The following LPP variants were observed in gnomAD, a reference collection of about 807,000 sequenced individuals.
LPP encodes the protein lipoma-preferred partner.
In LPP, 38 loss-of-function variants were observed where a neutral mutation model predicts 60.4. That is an observed-to-expected ratio of 0.63 (90% CI 0.49 to 0.83). The LOEUF (loss-of-function observed/expected upper bound fraction) is 0.83, where lower values mean the gene tolerates loss of function less well. LPP is among the 40% of genes least tolerant of loss of function. LPP has a pLI of 0.00. For synonymous variants in LPP, 328 were observed against 290.8 expected, an observed-to-expected ratio of 1.13 and a Z score of -1.30; for missense variants, 902 against 783.6, an observed-to-expected ratio of 1.15 and a Z score of -1.80.
At chr3:188,544,295 G>A (rs958003727) in intron 6 of LPP, among the ~76,000 whole-genome samples, 1 of 152,156 alleles carries the variant, frequency 6.6e-6, no homozygotes, top group African/African-American at 2.4e-5. Context: ...ATTTGCCTCT[G>A]AGTGGCTGTG....
chr3:188,228,943 T>C (rs910712950), intron 2 of LPP, among the ~76,000 whole-genome samples: 1 of 152,176 alleles, frequency 6.6e-6, no homozygotes, highest in Non-Finnish European at 1.5e-5. Context: ...TAAAGACTCA[T>C]CTTGAATATA....
intron 9 of LPP, among the ~76,000 whole-genome samples, chr3:188,853,944 A>T (rs1488233760): frequency 6.6e-6 from 1 of 152,152 alleles, no homozygotes; most frequent in Non-Finnish European, 1.5e-5. Context: ...GGCTAAATGC[A>T]GAGTGAGAAA....
At chr3:188,197,161 G>A (rs1013752243) in intron 1 of LPP, among the ~76,000 whole-genome samples, 2 of 152,202 alleles carry the variant, frequency 1.3e-5, no homozygotes, top group Admixed American at 6.5e-5. Context: ...AGGGATGGGA[G>A]CATGGAGGGT....
chr3:188,744,735 A>T (rs1463233410), intron 8 of LPP, among the ~76,000 whole-genome samples: 1 of 152,106 alleles, frequency 6.6e-6, no homozygotes, highest in Non-Finnish European at 1.5e-5. Flanking sequence ...TTTCCTCTAC[A>T]TTATAGCTAG....
At chr3:188,636,459 G>C (rs908146893) in intron 7 of LPP, among the ~76,000 whole-genome samples, 1 of 152,214 alleles carries the variant, frequency 6.6e-6, no homozygotes, top group African/African-American at 2.4e-5. Context: ...CAAACTGCAA[G>C]GCTGCAGCAA....
At chr3:188,581,722 A>G (rs569675080) in intron 6 of LPP, among the ~76,000 whole-genome samples, 2 of 152,134 alleles carry the variant, frequency 1.3e-5, no homozygotes, top group South Asian at 2.1e-4. Flanking sequence ...GCTTCGCTCT[A>G]TTTTACCTCC....
In LPP at chr3:188,265,870, GGTGT is replaced by G. The variant is rs55722565; in HGVS notation, c.-67+40374_-67+40377del. ...AAAAGGGCTGTGATAGGATTACTCTGGTGTGTGTGTGTGTGTGTGTGTGTGTGTG... is the reference window on the plus strand; with the variant it reads ...AAAAGGGCTGTGATAGGATTACTCTGGTGTGTGTGTGTGTGTGTGTGTGTG... On this transcript the variant is annotated intron_variant, in intron 2 of 11. Coordinates refer to ENST00000617246, the MANE Select transcript of LPP (RefSeq NM_001375462.1). Among the ~76,000 whole-genome samples the G allele has an allele frequency of 1.0e-2, 1,429 of 143,408 alleles. 15 individuals carry two copies. The highest frequency in any genetic ancestry group is 0.034 in the African/African-American group (1,288 of 38,408). The allele number at this position is 143,408 out of a possible 152,430, so 94.1% of individuals were successfully genotyped here.
At chr3:188,506,363 T>C (rs924839090) in intron 5 of LPP, among the ~76,000 whole-genome samples, 5 of 152,212 alleles carry the variant, frequency 3.3e-5, no homozygotes, top group African/African-American at 1.2e-4. Flanking sequence ...AAGGCTACTA[T>C]GAGTCAGTTA....
intron 1 of LPP, among the ~76,000 whole-genome samples, chr3:188,202,692 T>C (rs926023543): frequency 1.3e-5 from 2 of 152,196 alleles, no homozygotes; most frequent in Admixed American, 1.3e-4. Context: ...CTTTCTGATA[T>C]TCAGGTTGGT....
chr3:188,341,690 A>G lies in LPP; in HGVS notation c.-39A>G, dbSNP rs1269641862. 1.5e-5 allele frequency: 15 copies of G among 985,278 alleles called. No homozygotes were observed. The highest frequency in any genetic ancestry group is 3.5e-5 in the African/African-American group (2 of 57,364). 61.0% of individuals were successfully genotyped at this position (985,278 alleles called of 1,614,324 possible). ...TTGCAGTTGGCTGAACCTTGTGTCAACCATCCATTCCAGGAGCCAGCTATC... is the reference window on the plus strand; with the variant it reads ...TTGCAGTTGGCTGAACCTTGTGTCAGCCATCCATTCCAGGAGCCAGCTATC... On this transcript the variant is annotated 5_prime_UTR_variant, in exon 3 of 12. Coordinates refer to ENST00000617246, the MANE Select transcript of LPP (RefSeq NM_001375462.1).
At chr3:188,425,494 A>G (rs1430698813) in intron 4 of LPP, among the ~76,000 whole-genome samples, 2 of 151,912 alleles carry the variant, frequency 1.3e-5, no homozygotes, top group Non-Finnish European at 2.9e-5. Context: ...CTCTTTTTCT[A>G]TTGTTTGGAA....
intron 2 of LPP, among the ~76,000 whole-genome samples, chr3:188,327,895 C>T (rs556356429): frequency 3.1e-4 from 47 of 151,786 alleles, no homozygotes; most frequent in Non-Finnish European, 5.3e-4. Context: ...ATGATATTTA[C>T]CATATTCAAA....
intron 9 of LPP, among the ~76,000 whole-genome samples, chr3:188,814,657 A>G (rs775274684): frequency 6.6e-6 from 1 of 152,232 alleles, no homozygotes; most frequent in Non-Finnish European, 1.5e-5. Context: ...TGTGACTTGA[A>G]TGAGACTTAT....
At chr3:188,807,069 A>G (rs1749369099) in intron 9 of LPP, among the ~76,000 whole-genome samples, 1 of 151,432 alleles carries the variant, frequency 6.6e-6, no homozygotes, top group African/African-American at 2.4e-5. Flanking sequence ...GTCCTGAAAC[A>G]GTTTTTAATT....
In LPP at chr3:188,173,496, C is replaced by T. The variant is rs188603842; in HGVS notation, c.-190+19244C>T. On this transcript the variant is annotated intron_variant, in intron 1 of 11. Coordinates refer to ENST00000617246, the MANE Select transcript of LPP (RefSeq NM_001375462.1). ...TCCAGCCTGGGCAACAGAGTGACTC[C>T]GTCTCAAAAAAAACAAAAACAAAAA... is the stretch of plus-strand genomic sequence containing the variant. Among the ~76,000 whole-genome samples the T allele has an allele frequency of 6.3e-3, 921 of 146,066 alleles. 5 individuals carry two copies. Among genetic ancestry groups the T allele is most frequent in the African/African-American group, 0.022 (873 of 40,048 alleles).
chr3:188,419,197 A>G (rs1476093633), intron 4 of LPP, among the ~76,000 whole-genome samples: 1 of 152,182 alleles, frequency 6.6e-6, no homozygotes, highest in Non-Finnish European at 1.5e-5. Context: ...CCGTTCTTTT[A>G]CTGGGTCCTA....
At chr3:188,474,350 C>G (rs966696833) in intron 4 of LPP, among the ~76,000 whole-genome samples, 1 of 128,974 alleles carries the variant, frequency 7.8e-6, no homozygotes, top group Non-Finnish European at 1.7e-5. Flanking sequence ...AGAGCTTCAG[C>G]AGGAAGGAAG....
In LPP at chr3:188,767,295, GCAGTCTGAAGA is replaced by G. The variant is rs1409087103; in HGVS notation, c.1410+7014_1410+7024del. 9.9e-5 allele frequency among the ~76,000 whole-genome samples: 15 copies of G among 152,218 alleles called. No individual in the cohort carries two copies. The South Asian group carries it at 3.1e-3, about 32-fold the overall frequency. On this transcript the variant is annotated intron_variant, in intron 9 of 11. Transcript: ENST00000617246. ...GTACCATTCAGTACAAAGGTATCAA[GCAGTCTGAAGA>G]ACATTACTTTTTGATAAATGTCACA...
At chr3:188,298,557 C>G (rs903298960) in intron 2 of LPP, among the ~76,000 whole-genome samples, 1 of 152,208 alleles carries the variant, frequency 6.6e-6, no homozygotes, top group African/African-American at 2.4e-5. Context: ...ACACACTTCT[C>G]GTGAGGCGCT....
Sources: allele counts gnomAD v4.1 joint callset (sites outside exome capture counted in the v4.1 genomes callset), GRCh38; gene constraint gnomAD v4.1.1; transcripts MANE v1.5; gene names NCBI Gene and HGNC (gene_info 2026-07-23, HGNC 2026-07-21).